The following TAFA2 variants were observed in gnomAD, a reference collection of about 807,000 sequenced individuals.
TAFA2 encodes chemokine-like protein TAFA-2.
In TAFA2, 7 loss-of-function variants were observed where a neutral mutation model predicts 18.8. The observed-to-expected ratio is 0.37, with a 90% CI of 0.21 to 0.70. The LOEUF is 0.70. TAFA2 is among the 30% of genes least tolerant of loss of function. TAFA2 has a pLI of 0.53. For missense variants in TAFA2, 122 were observed against 158.1 expected (o/e 0.77, Z 1.23); for synonymous variants, 60 against 54.2 (o/e 1.11, Z -0.47).
chr12:62,135,794 G>A (rs542634333), intron 1 of TAFA2: 13 of 152,054 alleles, frequency 8.5e-5, no homozygotes, highest in Non-Finnish European at 1.5e-4. Flanking sequence ...AATGTTATTA[G>A]GAAAGCTTAC....
chr12:61,940,663 G>A (rs1028640193), intron 1 of TAFA2, among the ~76,000 whole-genome samples: 6 of 152,172 alleles, frequency 3.9e-5, no homozygotes, highest in Non-Finnish European at 7.3e-5. Flanking sequence ...CCCCCAGAAT[G>A]GGCATCCTTT....
intron 1 of TAFA2, among the ~76,000 whole-genome samples, chr12:61,868,882 GA>G (rs1874470471): frequency 6.6e-6 from 1 of 152,066 alleles, no homozygotes; most frequent in Admixed American, 6.6e-5. Flanking sequence ...GCCTTTACCT[GA>G]CTTTACTTTT....
chr12:61,987,203 C>T (rs903509110), intron 1 of TAFA2, among the ~76,000 whole-genome samples: 10 of 152,184 alleles, frequency 6.6e-5, no homozygotes, highest in Non-Finnish European at 8.8e-5. Context: ...GTTAGTGCAG[C>T]AGGCTCCACA....
chr12:62,147,360 A>G lies in TAFA2; in HGVS notation c.-2+43899T>C, dbSNP rs1024946311. On this transcript the variant is annotated intron_variant, in intron 1 of 4. Transcript: ENST00000416284. ...TATATATATATATATATATATATAT[A>G]TATATATATAGCAAATGCAACAAAA... is the stretch of plus-strand genomic sequence containing the variant. 4.5e-5 allele frequency among the ~76,000 whole-genome samples: 6 copies of G among 134,780 alleles called. 1 individual carries two copies. The allele number at this position is 134,780 out of a possible 152,430, so 88.4% of individuals were successfully genotyped here. A position where few individuals can be genotyped will look rare whatever the true frequency, so the allele number is the denominator to read the frequency against.
intron 1 of TAFA2, among the ~76,000 whole-genome samples, chr12:61,959,132 A>G (rs556561762): frequency 1.3e-5 from 2 of 152,030 alleles, no homozygotes; most frequent in African/African-American, 4.8e-5. Flanking sequence ...CTTTTAATTC[A>G]TCCTTCTTGC....
At chr12:61,967,640 C>G (rs114668657) in intron 1 of TAFA2, among the ~76,000 whole-genome samples, 1,937 of 151,852 alleles carry the variant, frequency 0.013, 51 homozygotes, top group African/African-American at 0.044. Flanking sequence ...ACTCCTTGAA[C>G]CATTCAAAAT....
chr12:61,830,059 A>G (rs983702999), intron 2 of TAFA2, among the ~76,000 whole-genome samples: 7 of 151,608 alleles, frequency 4.6e-5, no homozygotes, highest in Non-Finnish European at 8.9e-5. Flanking sequence ...TTGTACTGGT[A>G]TATTTATCAC....
chr12:61,972,551 G>A (rs528984338), intron 1 of TAFA2, among the ~76,000 whole-genome samples: 1 of 151,780 alleles, frequency 6.6e-6, no homozygotes, highest in African/African-American at 2.4e-5. Flanking sequence ...GATATGCATG[G>A]TATAGAGGAA....
chr12:62,107,394 T>G (rs952125548), intron 1 of TAFA2, among the ~76,000 whole-genome samples: 2 of 152,184 alleles, frequency 1.3e-5, no homozygotes, highest in Admixed American at 1.3e-4. Context: ...GCTTCTACTC[T>G]ATTTTTCCAA....
At chr12:61,724,799 G>GTCTA (rs1407181260) in intron 4 of TAFA2, among the ~76,000 whole-genome samples, 1 of 126,158 alleles carries the variant, frequency 7.9e-6, no homozygotes, top group Non-Finnish European at 1.7e-5. Context: ...GTGTGTGTGT[G>GTCTA]TGTATACACC....
At chr12:62,226,427 G>A (rs1167870043) in intron 1 of TAFA2, among the ~76,000 whole-genome samples, 1 of 152,112 alleles carries the variant, frequency 6.6e-6, no homozygotes, top group Non-Finnish European at 1.5e-5. Context: ...TCGATCTCCT[G>A]ACCTCACGAT....
chr12:62,207,966 T>C (rs551207468), intron 1 of TAFA2, among the ~76,000 whole-genome samples: 2 of 152,210 alleles, frequency 1.3e-5, no homozygotes, highest in African/African-American at 4.8e-5. Flanking sequence ...TATCTAGACA[T>C]CCTCATTCCT....
chr12:61,987,283 G>C (rs1168057655), intron 1 of TAFA2, among the ~76,000 whole-genome samples: 1 of 152,136 alleles, frequency 6.6e-6, no homozygotes, highest in Non-Finnish European at 1.5e-5. Context: ...AAGCAATAAA[G>C]GGTGAACAAA....
chr12:62,013,711 C>T (rs552124426), intron 1 of TAFA2, among the ~76,000 whole-genome samples: 1 of 152,292 alleles, frequency 6.6e-6, no homozygotes, highest in Admixed American at 6.5e-5. Flanking sequence ...TTAATAACAA[C>T]TTATTCACTC....
At chr12:61,746,514 G>C (rs1231620714) in intron 4 of TAFA2, among the ~76,000 whole-genome samples, 1 of 152,040 alleles carries the variant, frequency 6.6e-6, no homozygotes, top group Non-Finnish European at 1.5e-5. Context: ...AAAGTCTCTG[G>C]AAAGAAACAA....
At chr12:62,175,093 A>G (rs1380204343) in intron 1 of TAFA2, among the ~76,000 whole-genome samples, 2 of 152,218 alleles carry the variant, frequency 1.3e-5, no homozygotes, top group East Asian at 3.8e-4. Flanking sequence ...ATGAAATTTT[A>G]GCATTCCTTT....
At chr12:62,181,997 C>CCG (rs937534899) in intron 1 of TAFA2, among the ~76,000 whole-genome samples, 43 of 150,098 alleles carry the variant, frequency 2.9e-4, no homozygotes, top group Non-Finnish European at 4.7e-4. Context: ...CCATCCCCCC[C>CCG]CCGCTACACA....
intron 4 of TAFA2, among the ~76,000 whole-genome samples, chr12:61,738,612 T>A (rs11174149): frequency 0.34 from 52,151 of 151,828 alleles, 8,959 homozygotes; most frequent in South Asian, 0.38. Flanking sequence ...ATATCCTGGG[T>A]AGAGCACCTT....
At chr12:62,139,815 G>C (rs1041941070) in intron 1 of TAFA2, among the ~76,000 whole-genome samples, 1 of 152,158 alleles carries the variant, frequency 6.6e-6, no homozygotes, top group Non-Finnish European at 1.5e-5. Context: ...ACAAGAAAAT[G>C]GGGGTTTGGA....
Sources: gnomAD v4.1 joint callset for allele counts (sites outside exome capture counted in the v4.1 genomes callset) on GRCh38, gnomAD v4.1.1 for gene constraint, MANE v1.5 for transcripts, NCBI Gene and HGNC (gene_info 2026-07-23, HGNC 2026-07-21) for gene names.